Variants in TENM2 observed in about 807,000 individuals in gnomAD.
TENM2 encodes teneurin transmembrane protein 2.
A neutral mutation model predicts 245.2 loss-of-function variants in TENM2; 52 were observed. The ratio of observed to expected loss-of-function variants is 0.21; its 90% confidence interval spans 0.17 to 0.27. The LOEUF (loss-of-function observed/expected upper bound fraction) is 0.27, where lower values mean the gene tolerates loss of function less well. Among genes scored for constraint, TENM2 ranks in the 10% least tolerant of loss-of-function variants. TENM2 has a pLI of 1.00. For synonymous variants in TENM2, 1,363 were observed against 1,438.9 expected (o/e 0.95, Z 1.19); for missense variants, 3,046 against 3,666.8 (o/e 0.83, Z 4.37).
At chr5:167,294,860 C>A (rs996527004) in intron 1 of TENM2, among the ~76,000 whole-genome samples, 1 of 152,174 alleles carries the variant, frequency 6.6e-6, no homozygotes, top group Non-Finnish European at 1.5e-5. Flanking sequence ...TATCACGGAT[C>A]TTCCTATGTC....
chr5:167,930,149 A>T (rs1342750451), intron 3 of TENM2, among the ~76,000 whole-genome samples: 4 of 152,236 alleles, frequency 2.6e-5, no homozygotes, highest in Admixed American at 6.5e-5. Flanking sequence ...CCAGAGATGT[A>T]AAAAGATCAA....
At chr5:167,685,650 A>C (rs1334834019) in intron 2 of TENM2, among the ~76,000 whole-genome samples, 1 of 152,166 alleles carries the variant, frequency 6.6e-6, no homozygotes, top group Non-Finnish European at 1.5e-5. Flanking sequence ...AAATCTTTTT[A>C]TAAGAGTTTA....
At chr5:167,086,482 T>A in the TENM2 span, among the ~76,000 whole-genome samples, 1 of 152,178 alleles carries the variant, frequency 6.6e-6, no homozygotes, top group African/African-American at 2.4e-5. Context: ...TCTTTGTATC[T>A]TCGTAAATAC....
chr5:167,829,194 G>A (rs917980411), intron 2 of TENM2, among the ~76,000 whole-genome samples: 4 of 152,198 alleles, frequency 2.6e-5, no homozygotes, highest in African/African-American at 9.7e-5. Flanking sequence ...CTCTTATGAA[G>A]AAGAAGAAAA....
chr5:167,527,879 G>T (rs1771227080), intron 2 of TENM2, among the ~76,000 whole-genome samples: 1 of 152,100 alleles, frequency 6.6e-6, no homozygotes, highest in African/African-American at 2.4e-5. Context: ...ACAAGGCCGA[G>T]TCCATCTTTT....
intron 4 of TENM2, among the ~76,000 whole-genome samples, chr5:167,962,610 A>G (rs1057450654): frequency 6.6e-6 from 1 of 152,216 alleles, no homozygotes; most frequent in African/African-American, 2.4e-5. Flanking sequence ...AAACAGATTT[A>G]ATTGACTGAC....
chr5:166,988,550 A>G, the TENM2 span, among the ~76,000 whole-genome samples: 4 of 152,242 alleles, frequency 2.6e-5, no homozygotes, highest in Non-Finnish European at 1.5e-5. Context: ...TGCAATTTGA[A>G]TTATTATTTT....
chr5:167,610,262 G>A (rs888672375), intron 2 of TENM2, among the ~76,000 whole-genome samples: 1 of 152,088 alleles, frequency 6.6e-6, no homozygotes, highest in Non-Finnish European at 1.5e-5. Flanking sequence ...GAACCCCCGT[G>A]TGTACATCTA....
At chr5:167,394,399 T>C (rs576162314) in intron 2 of TENM2, among the ~76,000 whole-genome samples, 2 of 152,306 alleles carry the variant, frequency 1.3e-5, no homozygotes, top group African/African-American at 2.4e-5. Context: ...TTTTGTATTC[T>C]TGGATCCTTG....
rs999255038 is a variant in TENM2, at chr5:167,467,612, G to A, written c.502+92139G>A. Among the ~76,000 whole-genome samples, 4 of 151,154 alleles carry A rather than the reference G, an allele frequency of 2.6e-5. No individual in the cohort carries two copies. The East Asian group carries it at 5.8e-4, about 22-fold the overall frequency. The stretch of plus-strand genomic sequence containing the variant: ...ACATAGAAGCCCTTCTAAATTTCAC[G>A]AACCCAGAGAAAGATATTTGTTCCT... On this transcript the variant is annotated intron_variant, in intron 2 of 28. Coordinates refer to ENST00000518659, the Ensembl canonical transcript of TENM2.
At chr5:167,643,091 T>G (rs1309227758) in intron 2 of TENM2, among the ~76,000 whole-genome samples, 1 of 152,250 alleles carries the variant, frequency 6.6e-6, no homozygotes, top group Non-Finnish European at 1.5e-5. Context: ...TTACAGCTCC[T>G]GGGTTTTCTA....
At chr5:167,388,314 C>G (rs1403350579) in intron 2 of TENM2, among the ~76,000 whole-genome samples, 2 of 152,066 alleles carry the variant, frequency 1.3e-5, no homozygotes, top group African/African-American at 2.4e-5. Context: ...TTCATAGTAG[C>G]ATTGACTGAT....
At chr5:168,149,132 A>G (rs1424488232) in intron 12 of TENM2, among the ~76,000 whole-genome samples, 7 of 152,154 alleles carry the variant, frequency 4.6e-5, no homozygotes, top group African/African-American at 1.7e-4. Context: ...CGCTGTGTTA[A>G]GAAAGGCGAG....
At chr5:167,353,327 GGGT>G (rs1759052793) in intron 1 of TENM2, among the ~76,000 whole-genome samples, 1 of 144,642 alleles carries the variant, frequency 6.9e-6, no homozygotes, top group Non-Finnish European at 1.5e-5. Flanking sequence ...ATGTGCAGGG[GGGT>G]GGTGGGGGTG....
intron 2 of TENM2, among the ~76,000 whole-genome samples, chr5:167,685,841 G>C (rs1042282208): frequency 2.0e-5 from 3 of 152,074 alleles, no homozygotes; most frequent in Admixed American, 6.6e-5. Flanking sequence ...CAGCACCAAG[G>C]CTGGGTGAGA....
the TENM2 span, among the ~76,000 whole-genome samples, chr5:167,173,677 G>T: frequency 2.0e-5 from 3 of 151,670 alleles, no homozygotes; most frequent in South Asian, 2.1e-4. Context: ...TCCCAAAAGA[G>T]AATTTCTCAT....
chr5:167,566,677 A>G (rs150633929), intron 2 of TENM2, among the ~76,000 whole-genome samples: 3 of 152,288 alleles, frequency 2.0e-5, no homozygotes, highest in East Asian at 1.9e-4. Context: ...CAAACGTTCC[A>G]TATTGAGAAA....
chr5:167,221,167 A>T, the TENM2 span, among the ~76,000 whole-genome samples: 4 of 152,144 alleles, frequency 2.6e-5, no homozygotes, highest in Admixed American at 2.6e-4. Flanking sequence ...TGCAGCCGTG[A>T]TGCCGATGGA....
At chr5:167,312,633 A>G (rs1300745049) in intron 1 of TENM2, among the ~76,000 whole-genome samples, 2 of 152,204 alleles carry the variant, frequency 1.3e-5, no homozygotes, top group Non-Finnish European at 2.9e-5. Context: ...TCCTATGGGA[A>G]AAATTGGTCT....
Sources: gnomAD v4.1 joint callset for allele counts (sites outside exome capture counted in the v4.1 genomes callset) on GRCh38, gnomAD v4.1.1 for gene constraint, MANE v1.5 for transcripts, NCBI Gene and HGNC (gene_info 2026-07-23, HGNC 2026-07-21) for gene names.